ZNF521: variants seen among roughly 807,000 people sequenced by gnomAD.
ZNF521 encodes the protein zinc finger protein 521, also known as LYST-interacting protein 3.
In ZNF521, 14 loss-of-function variants were observed where a neutral mutation model predicts 105.5. The ratio of observed to expected loss-of-function variants is 0.13; its 90% CI spans 0.09 to 0.21. The LOEUF (loss-of-function observed/expected upper bound fraction) is 0.21. ZNF521 is among the 10% of genes least tolerant of loss of function. The pLI is 1.00. For missense variants in ZNF521, 1,233 were observed against 1,629.7 expected (o/e 0.76, Z 4.19); for synonymous variants, 635 against 606.0 (o/e 1.05, Z -0.70).
At chr18:25,350,442 GCTGCTCCCCACCTCCGAGATGA>G (rs1454202021) in intron 2 of ZNF521, among the ~76,000 whole-genome samples, 13 of 152,118 alleles carry the variant, frequency 8.5e-5, no homozygotes, top group African/African-American at 3.1e-4. Flanking sequence ...ACGAGCGGGG[GCTGCTCCCCACCTCCGAGATGA>G]CTTTTTTCTT....
At chr18:25,067,568 C>T in intron 7 of ZNF521, among the ~76,000 whole-genome samples, 1 of 152,178 alleles carries the variant, frequency 6.6e-6, no homozygotes, top group East Asian at 1.9e-4. Flanking sequence ...AAATGCAATC[C>T]AAGAAAAATA....
chr18:25,328,184 CTG>C (rs1384250370), intron 2 of ZNF521, among the ~76,000 whole-genome samples: 8 of 152,308 alleles, frequency 5.3e-5, no homozygotes, highest in African/African-American at 1.7e-4. Context: ...AGAATGATCT[CTG>C]TGTTAAACAA....
chr18:25,199,923 A>G (rs756291370), intron 4 of ZNF521, among the ~76,000 whole-genome samples: 57 of 152,096 alleles, frequency 3.7e-4, no homozygotes, highest in Non-Finnish European at 5.9e-4. Flanking sequence ...CATAGCTCAC[A>G]TAATTTTATA....
intron 3 of ZNF521, among the ~76,000 whole-genome samples, chr18:25,270,968 A>G (rs966907642): frequency 5.3e-5 from 8 of 152,234 alleles, no homozygotes; most frequent in Admixed American, 1.3e-4. Flanking sequence ...TCAAATAGGA[A>G]GAGAGAAAGT....
intron 7 of ZNF521, among the ~76,000 whole-genome samples, chr18:25,074,997 T>C (rs1165218686): frequency 6.6e-6 from 1 of 152,164 alleles, no homozygotes; most frequent in Non-Finnish European, 1.5e-5. Context: ...AAAATCTCTT[T>C]AAAGTGAAGT....
chr18:25,351,963 GAGGAGAAGGAGT>G, intron 1 of ZNF521, 30 bp downstream of exon 1: 1 of 353,362 alleles, frequency 2.8e-6, no homozygotes, highest in Non-Finnish European at 5.8e-6. Flanking sequence ...GGAGCAGGAG[GAGGAGAAGGAGT>G]GTGCTGTGTG....
chr18:25,224,129 A>C (rs1905925960), intron 4 of ZNF521: 1 of 556,854 alleles, frequency 1.8e-6, no homozygotes, highest in Non-Finnish European at 3.2e-6. Flanking sequence ...GGGAGACTGG[A>C]ATTAGTCCTA....
intron 7 of ZNF521, among the ~76,000 whole-genome samples, chr18:25,085,838 G>A (rs2033611623): frequency 6.6e-6 from 1 of 151,970 alleles, no homozygotes; most frequent in Non-Finnish European, 1.5e-5. Flanking sequence ...CAAAAGAAAT[G>A]TAAATTATGT....
intron 7 of ZNF521, among the ~76,000 whole-genome samples, chr18:25,066,341 C>G (rs1245758523): frequency 1.3e-5 from 2 of 152,170 alleles, no homozygotes; most frequent in Non-Finnish European, 2.9e-5. Context: ...CCTTTGCCAC[C>G]TTTGAGGATC....
At chr18:25,219,117 T>C (rs1905528772) in intron 4 of ZNF521, among the ~76,000 whole-genome samples, 1 of 152,252 alleles carries the variant, frequency 6.6e-6, no homozygotes, top group Non-Finnish European at 1.5e-5. Flanking sequence ...ATTGTAAGAA[T>C]ACAGTGTGTA....
chr18:25,244,492 G>C lies in ZNF521; in HGVS notation c.221-16795C>G, dbSNP rs1907571297. 3.9e-5 allele frequency among the ~76,000 whole-genome samples: 6 copies of C among 152,178 alleles called. No individual in the cohort carries two copies. In the South Asian group the frequency reaches 1.2e-3, roughly 32 times the overall value. ...CACTCCTCCTGTTCTAGAGGAGCCAGAAAAGGTGCTATTCCCAGTGCTCAA... is the reference window on the plus strand; with the variant it reads ...CACTCCTCCTGTTCTAGAGGAGCCACAAAAGGTGCTATTCCCAGTGCTCAA... On this transcript the variant is annotated intron_variant, in intron 3 of 7. Coordinates refer to ENST00000361524, the MANE Select transcript of ZNF521 (RefSeq NM_015461.3).
intron 5 of ZNF521, among the ~76,000 whole-genome samples, chr18:25,162,161 C>T (rs1166948099): frequency 6.6e-6 from 1 of 152,080 alleles, no homozygotes; most frequent in African/African-American, 2.4e-5. Flanking sequence ...GACTGTGTTC[C>T]AACCTGAAAT....
chr18:25,289,342 C>G (rs1910880668), intron 3 of ZNF521, among the ~76,000 whole-genome samples: 1 of 152,300 alleles, frequency 6.6e-6, no homozygotes. Flanking sequence ...GGATTCTCCT[C>G]CCTCCCCAGT....
chr18:25,093,234 G>A (rs1370824562), intron 5 of ZNF521, among the ~76,000 whole-genome samples: 1 of 152,046 alleles, frequency 6.6e-6, no homozygotes, highest in Admixed American at 6.6e-5. Context: ...CTGGCCTCAG[G>A]GGACATATCT....
At chr18:25,297,249 CT>C (rs1911376353) in intron 3 of ZNF521, among the ~76,000 whole-genome samples, 1 of 151,876 alleles carries the variant, frequency 6.6e-6, no homozygotes. Context: ...CGTAAAGAAA[CT>C]CATGAGAATG....
At chr18:25,110,858 G>T (rs1256688195) in intron 5 of ZNF521, among the ~76,000 whole-genome samples, 2 of 151,816 alleles carry the variant, frequency 1.3e-5, no homozygotes, top group African/African-American at 2.4e-5. Context: ...CACCTCCCAG[G>T]TTCAAGTGAT....
intron 7 of ZNF521, among the ~76,000 whole-genome samples, chr18:25,075,405 C>T (rs190578596): frequency 2.0e-5 from 3 of 152,284 alleles, no homozygotes; most frequent in Non-Finnish European, 2.9e-5. Flanking sequence ...CTTCTCTTTC[C>T]GTGCAACTTT....
At chr18:25,192,301 T>C (rs1313832021) in intron 5 of ZNF521, among the ~76,000 whole-genome samples, 1 of 152,144 alleles carries the variant, frequency 6.6e-6, no homozygotes, top group Non-Finnish European at 1.5e-5. Context: ...AAAACTGCAC[T>C]TAAGAAGAGC....
intron 5 of ZNF521, among the ~76,000 whole-genome samples, chr18:25,186,543 T>C (rs1266976570): frequency 6.6e-6 from 1 of 152,148 alleles, no homozygotes; most frequent in Non-Finnish European, 1.5e-5. Flanking sequence ...TCATGAAAAC[T>C]ATAGTTAAAG....
Sources: gnomAD v4.1 joint callset for allele counts (sites outside exome capture counted in the v4.1 genomes callset) on GRCh38, gnomAD v4.1.1 for gene constraint, MANE v1.5 for transcripts, NCBI Gene and HGNC (gene_info 2026-07-23, HGNC 2026-07-21) for gene names.